The following IQCM variants were observed in gnomAD, a reference collection of about 807,000 sequenced individuals.
IQCM encodes IQ domain-containing protein M.
In IQCM, 45 loss-of-function variants were observed where a neutral mutation model predicts 57.6. The ratio of observed to expected loss-of-function variants is 0.78; its 90% CI spans 0.62 to 1.00. IQCM has a LOEUF of 1.00. Ranked by LOEUF, IQCM falls within the 50% of genes least tolerant of loss-of-function variation. IQCM has a pLI of 0.00. For synonymous variants in IQCM, 148 were observed against 158.9 expected (o/e 0.93, Z 0.51); for missense variants, 468 against 511.6 (o/e 0.91, Z 0.82).
intron 7 of IQCM, among the ~76,000 whole-genome samples, chr4:149,671,214 G>A (rs1035757088): frequency 1.3e-5 from 2 of 151,938 alleles, no homozygotes; most frequent in Admixed American, 6.6e-5. Context: ...GTCTTGGGAG[G>A]GTGTGTGTGT....
At chr4:149,697,364 T>A (rs868597646) in intron 5 of IQCM, among the ~76,000 whole-genome samples, 2 of 152,072 alleles carry the variant, frequency 1.3e-5, no homozygotes, top group African/African-American at 4.8e-5. Flanking sequence ...ACCTGCATGT[T>A]GTGCACTTGT....
At chr4:149,438,449 G>GA (rs1265182218) in intron 12 of IQCM, among the ~76,000 whole-genome samples, 2 of 151,962 alleles carry the variant, frequency 1.3e-5, no homozygotes, top group Non-Finnish European at 2.9e-5. Flanking sequence ...TTGAAGTGGT[G>GA]GACAAATAAT....
At chr4:149,808,581 G>A (rs114369038) in intron 2 of IQCM, among the ~76,000 whole-genome samples, 6,202 of 152,178 alleles carry the variant, frequency 0.041, 172 homozygotes, top group Non-Finnish European at 0.063. Flanking sequence ...AAAGGTAGAT[G>A]TTTGAGGTGT....
intron 7 of IQCM, among the ~76,000 whole-genome samples, chr4:149,669,851 C>A (rs553954680): frequency 4.6e-5 from 7 of 152,234 alleles, no homozygotes; most frequent in Non-Finnish European, 8.8e-5. Context: ...TGTTTTGGTA[C>A]CAGCACCATG....
chr4:149,596,158 G>A (rs544420815), intron 8 of IQCM, among the ~76,000 whole-genome samples: 1 of 152,174 alleles, frequency 6.6e-6, no homozygotes, highest in African/African-American at 2.4e-5. Flanking sequence ...AAATGGATAG[G>A]GAGCTTTGCA....
intron 10 of IQCM, among the ~76,000 whole-genome samples, chr4:149,557,490 C>T (rs1749701889): frequency 6.6e-6 from 1 of 152,152 alleles, no homozygotes; most frequent in Non-Finnish European, 1.5e-5. Flanking sequence ...ATGGGGTTCT[C>T]AAAGTGGCCT....
intron 5 of IQCM, among the ~76,000 whole-genome samples, chr4:149,730,366 C>T (rs1766343163): frequency 6.6e-6 from 1 of 152,136 alleles, no homozygotes; most frequent in Non-Finnish European, 1.5e-5. Context: ...ATCCATCATA[C>T]CCCATCTCTA....
At chr4:149,455,564 G>A (rs1443789585) in intron 12 of IQCM, among the ~76,000 whole-genome samples, 1 of 152,096 alleles carries the variant, frequency 6.6e-6, no homozygotes, top group Non-Finnish European at 1.5e-5. Context: ...CTATTCCTTT[G>A]TTGAGCAAAC....
chr4:149,483,531 A>C lies in IQCM; in HGVS notation c.1229-49974T>G, dbSNP rs1223539883. On this transcript the variant is annotated intron_variant, in intron 12 of 13. Transcript: ENST00000636793. The stretch of plus-strand genomic sequence containing the variant: ...TTCTGAATTCCTTCATTGGCCCACT[A>C]GTCATTAAGAGGCATATTGTTTAAT... 2.0e-5 allele frequency among the ~76,000 whole-genome samples: 3 copies of C among 151,856 alleles called. No individual in the cohort carries two copies. The East Asian group carries it at 5.8e-4, about 29-fold the overall frequency.
chr4:149,511,883 T>G (rs1351948542), intron 12 of IQCM, among the ~76,000 whole-genome samples: 12 of 152,190 alleles, frequency 7.9e-5, no homozygotes. Flanking sequence ...CAAAAACCTG[T>G]GTTTATTGCT....
At chr4:149,470,071 A>C (rs767563438) in intron 12 of IQCM, among the ~76,000 whole-genome samples, 1 of 152,158 alleles carries the variant, frequency 6.6e-6, no homozygotes, top group Non-Finnish European at 1.5e-5. Flanking sequence ...TCAACTAACG[A>C]GCAAAATAAC....
rs552134613 is a variant in IQCM, at chr4:149,735,598, T to G, written c.38-140A>C. ...GCTTTTAAGAAGAAATATAAGGTTG[T>G]AATGGTCAGGTGATAAGATAGGTTA... is the stretch of plus-strand genomic sequence containing the variant. On this transcript the variant is annotated intron_variant, in intron 3 of 13. Transcript: ENST00000636793. 5 of 396,152 alleles carry G rather than the reference T, an allele frequency of 1.3e-5. No homozygotes were observed. The East Asian group carries it at 1.5e-4, about 12-fold the overall frequency. 24.5% of individuals were successfully genotyped at this position (396,152 alleles called of 1,614,324 possible). A position where few individuals can be genotyped will look rare whatever the true frequency, so the allele number is the denominator to read the frequency against.
chr4:149,429,662 A>G (rs950264717), intron 13 of IQCM, among the ~76,000 whole-genome samples: 2 of 151,932 alleles, frequency 1.3e-5, no homozygotes, highest in East Asian at 1.9e-4. Context: ...CCTACATTGT[A>G]GAGTATTAAT....
At chr4:149,757,741 A>ATGTGTG (rs3085133) in intron 2 of IQCM, among the ~76,000 whole-genome samples, 2,514 of 150,388 alleles carry the variant, frequency 0.017, 87 homozygotes, top group African/African-American at 0.058. Flanking sequence ...GATATTATAT[A>ATGTGTG]TGTGTGTGTG....
At chr4:149,511,461 G>C (rs1744409141) in intron 12 of IQCM, among the ~76,000 whole-genome samples, 1 of 151,902 alleles carries the variant, frequency 6.6e-6, no homozygotes, top group Non-Finnish European at 1.5e-5. Flanking sequence ...CCGGGAGGCA[G>C]AGGTTGCAGT....
intron 13 of IQCM, among the ~76,000 whole-genome samples, chr4:149,413,982 A>C (rs750735535): frequency 4.6e-5 from 7 of 152,172 alleles, no homozygotes; most frequent in Non-Finnish European, 8.8e-5. Context: ...ATAACAAAGA[A>C]TTTTCCTCTA....
intron 13 of IQCM, among the ~76,000 whole-genome samples, chr4:149,416,949 T>C (rs773103526): frequency 6.6e-6 from 1 of 152,150 alleles, no homozygotes; most frequent in Non-Finnish European, 1.5e-5. Flanking sequence ...CTATTCTGTC[T>C]GTTGAAAATT....
At chr4:149,546,400 C>A (rs1372699074) in intron 12 of IQCM, among the ~76,000 whole-genome samples, 1 of 152,214 alleles carries the variant, frequency 6.6e-6, no homozygotes, top group African/African-American at 2.4e-5. Context: ...GCCACACTGT[C>A]TTCCACAATG....
chr4:149,503,723 AT>A (rs1014969054), intron 12 of IQCM, among the ~76,000 whole-genome samples: 12 of 152,038 alleles, frequency 7.9e-5, no homozygotes, highest in East Asian at 1.9e-4. Context: ...TAGACAAAAA[AT>A]TTTTTTTAAT....
Sources: gnomAD v4.1 joint callset for allele counts (sites outside exome capture counted in the v4.1 genomes callset) on GRCh38, gnomAD v4.1.1 for gene constraint, MANE v1.5 for transcripts, NCBI Gene and HGNC (gene_info 2026-07-23, HGNC 2026-07-21) for gene names.